TMPRSS11F: variants seen among roughly 807,000 people sequenced by gnomAD.
TMPRSS11F encodes the protein transmembrane protease serine 11F.
TMPRSS11F carries 47 observed loss-of-function variants against 60.2 expected under a neutral mutation model. The observed-to-expected ratio is 0.78, with a 90% CI of 0.62 to 1.00. The LOEUF is 1.00. Among genes scored for constraint, TMPRSS11F ranks in the 50% least tolerant of loss-of-function variants. The pLI is 0.00. For missense variants in TMPRSS11F, 519 were observed against 522.9 expected (o/e 0.99, Z 0.07); for synonymous variants, 166 against 167.3 (o/e 0.99, Z 0.06).
rs187225020 is a variant in TMPRSS11F at position 68,113,910 on chromosome 4, A to C, written c.12-14872T>G. ...AAACACACCTCAACAAATTTAAAAA[A>C]ATAAATCTTATAAAGTATGTTCTTC... On this transcript the variant is annotated intron_variant, in intron 1 of 9. Transcript: ENST00000356291. Among the ~76,000 whole-genome samples, 162 of 152,296 alleles carry C rather than the reference A, an allele frequency of 1.1e-3. No individual in the cohort carries two copies. In the Middle Eastern group the frequency reaches 0.024, roughly 22 times the overall value.
chr4:68,078,042 C>T (rs931711445), intron 3 of TMPRSS11F, among the ~76,000 whole-genome samples: 4 of 152,218 alleles, frequency 2.6e-5, no homozygotes, highest in African/African-American at 9.6e-5. Flanking sequence ...CTGCCCTGCC[C>T]ACTAACAAAC....
chr4:68,104,875 A>G (rs1724269153), intron 1 of TMPRSS11F, among the ~76,000 whole-genome samples: 1 of 151,970 alleles, frequency 6.6e-6, no homozygotes, highest in Non-Finnish European at 1.5e-5. Context: ...ATCATGATGT[A>G]TAATATTTTT....
At chr4:68,072,224 A>AT (rs1553885908) in intron 5 of TMPRSS11F, 99 bp downstream of exon 5, 13 of 40,406 alleles carry the variant, frequency 3.2e-4, no homozygotes, top group African/African-American at 1.0e-3. Context: ...TATCTTCCAA[A>AT]AAAAAAATAT....
At chr4:68,102,809 T>A (rs898342615) in intron 1 of TMPRSS11F, among the ~76,000 whole-genome samples, 1 of 152,082 alleles carries the variant, frequency 6.6e-6, no homozygotes. Context: ...TGTAGAAGCT[T>A]TTAAGTTTGA....
intron 9 of TMPRSS11F, among the ~76,000 whole-genome samples, chr4:68,054,286 C>T (rs1028450595): frequency 6.6e-6 from 1 of 151,904 alleles, no homozygotes; most frequent in Non-Finnish European, 1.5e-5. Context: ...GAAATGGTTA[C>T]ATTAATTCTG....
chr4:68,064,749 T>C lies in TMPRSS11F; in HGVS notation c.951A>G (p.Ser317=), dbSNP rs112200350. ...TTGTTTTAGGTGGCAACTTTATAGA[T>C]GAGTCTGGGAGGCAAACTCTCTGGA... ...NIVQRVCLPD[S]SIKLPPKTSV... The change falls in exon 8 of 10, where the codon TCA becomes TCG. Residue 317 remains serine (S), a synonymous_variant. Transcript: ENST00000356291. 9.4e-4 allele frequency: 1,519 copies of C among 1,614,168 alleles called. 15 individuals carry two copies. The African/African-American group carries it at 0.018, about 19-fold the overall frequency.
intron 5 of TMPRSS11F, 122 bp from the exon 6 acceptor site, chr4:68,070,129 A>G: frequency 9.8e-6 from 7 of 710,796 alleles, no homozygotes; most frequent in Non-Finnish European, 1.5e-5. Flanking sequence ...TCAAGAGAAT[A>G]TGAGATTTTT....
At chr4:68,059,571 T>C (rs924993947) in intron 8 of TMPRSS11F, 103 bp from the exon 9 acceptor site, 3 of 1,162,154 alleles carry the variant, frequency 2.6e-6, no homozygotes, top group Non-Finnish European at 3.6e-6. Flanking sequence ...CCAAAGATTA[T>C]TTTATTAACA....
At chr4:68,063,026 AT>A in intron 8 of TMPRSS11F, 1 of 670,790 alleles carries the variant, frequency 1.5e-6, no homozygotes, top group Non-Finnish European at 2.9e-6. Context: ...TGACACGCTC[AT>A]TTGGGAGTCA....
At chr4:68,109,910 G>A (rs1724379466) in intron 1 of TMPRSS11F, among the ~76,000 whole-genome samples, 1 of 152,090 alleles carries the variant, frequency 6.6e-6, no homozygotes, top group South Asian at 2.1e-4. Flanking sequence ...ATTATACTTG[G>A]TACTAAAGAA....
intron 1 of TMPRSS11F, among the ~76,000 whole-genome samples, chr4:68,119,847 C>T (rs1310745247): frequency 6.6e-6 from 1 of 152,092 alleles, no homozygotes; most frequent in Non-Finnish European, 1.5e-5. Context: ...TTATTTAAGA[C>T]ATACATTGAT....
chr4:68,091,747 ATCTCTCTCTC>A (rs372346277), intron 2 of TMPRSS11F, among the ~76,000 whole-genome samples: 45 of 71,664 alleles, frequency 6.3e-4, no homozygotes, highest in Non-Finnish European at 1.2e-3. Context: ...TTAATCTCTA[ATCTCTCTCTC>A]TCTCTCTCTC....
intron 9 of TMPRSS11F, 150 bp from the exon 10 acceptor site, chr4:68,054,217 A>T (rs1282045947): frequency 1.6e-6 from 1 of 624,650 alleles, no homozygotes; most frequent in Non-Finnish European, 2.6e-6. Flanking sequence ...CTGAATTAAA[A>T]TTTTTGCTAA....
rs746819640 is a variant in TMPRSS11F, at chr4:68,072,503, C to T, written c.351-17G>A. 1 of 1,458,318 alleles carries T rather than the reference C, an allele frequency of 6.9e-7. No homozygotes were observed. Among genetic ancestry groups the T allele is most frequent in the East Asian group, 2.4e-5 (1 of 41,260 alleles). 90.3% of individuals were successfully genotyped at this position (1,458,318 alleles called of 1,614,324 possible). A position where few individuals can be genotyped will look rare whatever the true frequency, so the allele number is the denominator to read the frequency against. On this transcript the variant is annotated splice_polypyrimidine_tract_variant and intron_variant, in intron 4 of 9. Transcript: ENST00000356291. Reference sequence around the variant, plus strand: ...TCATCTGGACTGAAGAACAAAAAAGCAGATAAAAATGGCATTTATCTAATC... The same window carrying T: ...TCATCTGGACTGAAGAACAAAAAAGTAGATAAAAATGGCATTTATCTAATC...
intron 2 of TMPRSS11F, among the ~76,000 whole-genome samples, chr4:68,090,994 A>G (rs1170073491): frequency 5.3e-5 from 8 of 152,208 alleles, no homozygotes; most frequent in Admixed American, 3.9e-4. Context: ...TAACAGGTAT[A>G]TCAGATATAA....
chr4:68,122,095 A>C (rs1724635646), intron 1 of TMPRSS11F, among the ~76,000 whole-genome samples: 1 of 152,336 alleles, frequency 6.6e-6, no homozygotes, highest in South Asian at 2.1e-4. Context: ...TGTTATAATA[A>C]AATCACCTAA....
chr4:68,128,589 A>T (rs943955627), intron 1 of TMPRSS11F, among the ~76,000 whole-genome samples: 5 of 152,224 alleles, frequency 3.3e-5, no homozygotes, highest in South Asian at 2.1e-4. Context: ...GGCTGATAAA[A>T]AACACTTACT....
At chr4:68,097,891 G>A (rs1577928042) in intron 2 of TMPRSS11F, among the ~76,000 whole-genome samples, 1 of 152,268 alleles carries the variant, frequency 6.6e-6, no homozygotes, top group East Asian at 1.9e-4. Flanking sequence ...ATGAGGGTAG[G>A]AAGGTAAACT....
chr4:68,072,226 A>ATAT lies in TMPRSS11F; in HGVS notation c.514+96_514+97insATA, dbSNP rs61224244. On this transcript the variant is annotated intron_variant, in intron 5 of 9. Coordinates refer to ENST00000356291, the MANE Select transcript of TMPRSS11F (RefSeq NM_207407.2). ...ATATATATATATATATCTTCCAAAA[A>ATAT]AAAAATATATATATATATATATATT... The ATAT allele has an allele frequency of 5.6e-3, 447 of 79,460 alleles. 69 individuals carry two copies. Among genetic ancestry groups the ATAT allele is most frequent in the South Asian group, 0.018 (39 of 2,174 alleles). The allele number at this position is 79,460 out of a possible 1,614,324, so 4.9% of individuals were successfully genotyped here.
Sources: allele counts gnomAD v4.1 joint callset (sites outside exome capture counted in the v4.1 genomes callset), GRCh38; gene constraint gnomAD v4.1.1; transcripts MANE v1.5; gene names NCBI Gene and HGNC (gene_info 2026-07-23, HGNC 2026-07-21).